Variants in GREM2 observed in about 807,000 individuals in gnomAD.
GREM2 encodes the protein gremlin-2.
In GREM2, 11 loss-of-function variants were observed where a neutral mutation model predicts 14.2. That is an observed-to-expected ratio of 0.78 (90% confidence interval 0.49 to 1.28). GREM2 has a LOEUF of 1.28. GREM2 is among the 50% of genes most tolerant of loss of function. The probability of loss-of-function intolerance (pLI) is 0.00; values close to 1 mark genes in which losing one functional copy is unlikely to be tolerated. For missense variants in GREM2, 210 were observed against 218.5 expected, an observed-to-expected ratio of 0.96 and a Z score of 0.24; for synonymous variants, 98 against 97.6, an observed-to-expected ratio of 1.00 and a Z score of -0.02.
chr1:240,501,942 A>G (rs1476118878), intron 1 of GREM2, among the ~76,000 whole-genome samples: 1 of 152,154 alleles, frequency 6.6e-6, no homozygotes, highest in African/African-American at 2.4e-5. Flanking sequence ...AGCCAGTGAC[A>G]TTGTTCTCTG....
chr1:240,515,073 C>T (rs879645984), intron 1 of GREM2, among the ~76,000 whole-genome samples: 16 of 152,096 alleles, frequency 1.1e-4, no homozygotes, highest in Non-Finnish European at 2.2e-4. Context: ...GATGTAGAAA[C>T]CATACCTATA....
intron 1 of GREM2, among the ~76,000 whole-genome samples, chr1:240,544,464 T>C (rs1280220523): frequency 6.6e-6 from 1 of 152,136 alleles, no homozygotes; most frequent in Non-Finnish European, 1.5e-5. Flanking sequence ...GGCCATTTTA[T>C]ATGAGAGACT....
chr1:240,513,137 T>C (rs1677870237), intron 1 of GREM2, among the ~76,000 whole-genome samples: 1 of 152,062 alleles, frequency 6.6e-6, no homozygotes. Flanking sequence ...GGGTAGGACA[T>C]AATTAGGTTG....
intron 1 of GREM2, among the ~76,000 whole-genome samples, chr1:240,563,585 G>A (rs186184148): frequency 5.9e-5 from 9 of 152,256 alleles, no homozygotes; most frequent in African/African-American, 1.9e-4. Context: ...TTTAGTCAAC[G>A]GCACCCATCC....
chr1:240,582,445 C>A (rs558597681), intron 1 of GREM2, among the ~76,000 whole-genome samples: 89 of 150,334 alleles, frequency 5.9e-4, no homozygotes, highest in Non-Finnish European at 8.2e-4. Context: ...CACACACACA[C>A]AAAAAAAGAG....
At chr1:240,532,065 C>T (rs1028167715) in intron 1 of GREM2, among the ~76,000 whole-genome samples, 2 of 151,668 alleles carry the variant, frequency 1.3e-5, no homozygotes, top group Non-Finnish European at 2.9e-5. Flanking sequence ...GGATTTGGAA[C>T]TAAATTATTA....
At chr1:240,606,366 G>A (rs746710054) in intron 1 of GREM2, among the ~76,000 whole-genome samples, 27 of 152,144 alleles carry the variant, frequency 1.8e-4, no homozygotes, top group Admixed American at 4.6e-4. Flanking sequence ...ATGATGTAAA[G>A]AAAAAATTTG....
chr1:240,499,046 G>A (rs945666578), intron 1 of GREM2, among the ~76,000 whole-genome samples: 1 of 152,210 alleles, frequency 6.6e-6, no homozygotes, highest in Non-Finnish European at 1.5e-5. Flanking sequence ...ACAGGCCAAA[G>A]CAAGCTAGTA....
At chr1:240,509,110 T>C (rs11807703) in intron 1 of GREM2, among the ~76,000 whole-genome samples, 18,453 of 152,210 alleles carry the variant, frequency 0.12, 1,208 homozygotes, top group African/African-American at 0.15. Flanking sequence ...CTTTAATGAT[T>C]TGTGACAGGA....
chr1:240,546,376 G>A (rs1321430736), intron 1 of GREM2, among the ~76,000 whole-genome samples: 3 of 151,288 alleles, frequency 2.0e-5, no homozygotes, highest in Non-Finnish European at 2.9e-5. Flanking sequence ...AAATTTTGTT[G>A]CTTATTCATT....
intron 1 of GREM2, among the ~76,000 whole-genome samples, chr1:240,548,395 A>G (rs16840347): frequency 0.057 from 8,707 of 152,226 alleles, 642 homozygotes; most frequent in African/African-American, 0.17. Flanking sequence ...GTCTTTTCCA[A>G]TTCTTCAGAT....
intron 1 of GREM2, among the ~76,000 whole-genome samples, chr1:240,502,438 T>G (rs919353799): frequency 1.3e-5 from 2 of 152,182 alleles, no homozygotes; most frequent in African/African-American, 4.8e-5. Context: ...GCTCTCCTCT[T>G]AAAGGTTGGT....
chr1:240,602,475 A>G (rs757844153), intron 1 of GREM2, among the ~76,000 whole-genome samples: 2 of 152,222 alleles, frequency 1.3e-5, no homozygotes, highest in African/African-American at 2.4e-5. Flanking sequence ...ATTCTCTGTA[A>G]CATATAAGAT....
chr1:240,572,581 TG>T (rs2103365270), intron 1 of GREM2, among the ~76,000 whole-genome samples: 1 of 152,298 alleles, frequency 6.6e-6, no homozygotes, highest in African/African-American at 2.4e-5. Context: ...CTGCTGGACT[TG>T]AAGCTAATGA....
At chr1:240,562,274 C>A (rs1440613676) in intron 1 of GREM2, among the ~76,000 whole-genome samples, 3 of 152,178 alleles carry the variant, frequency 2.0e-5, no homozygotes, top group Non-Finnish European at 2.9e-5. Flanking sequence ...GGCTCCTTTC[C>A]TTTTGTGAAC....
intron 1 of GREM2, among the ~76,000 whole-genome samples, chr1:240,497,904 A>G (rs550626867): frequency 6.6e-6 from 1 of 152,318 alleles, no homozygotes; most frequent in Admixed American, 6.5e-5. Flanking sequence ...CCATTTTAAT[A>G]ATTTCCGAAA....
chr1:240,519,035 A>C lies in GREM2; in HGVS notation c.-1-25559T>G, dbSNP rs75046501. Among the ~76,000 whole-genome samples, 62 of 152,326 alleles carry C rather than the reference A, an allele frequency of 4.1e-4. 2 individuals are homozygous for C. In the East Asian group the frequency reaches 0.012, roughly 29 times the overall value. On this transcript the variant is annotated intron_variant, in intron 1 of 1. Transcript: ENST00000318160. ...TTACACACACACATACATACATATTAGGCTAAAAGTTTATAACTATGTGAA... is the reference window on the plus strand; with the variant it reads ...TTACACACACACATACATACATATTCGGCTAAAAGTTTATAACTATGTGAA...
chr1:240,610,528 AG>A (rs536353948), intron 1 of GREM2, among the ~76,000 whole-genome samples: 280 of 152,362 alleles, frequency 1.8e-3, no homozygotes, highest in African/African-American at 5.5e-3. Flanking sequence ...AAACAAAAAA[AG>A]GTCGATATAA....
chr1:240,577,401 C>A (rs1679393169), intron 1 of GREM2, among the ~76,000 whole-genome samples: 1 of 152,176 alleles, frequency 6.6e-6, no homozygotes, highest in African/African-American at 2.4e-5. Context: ...ATAAACATAA[C>A]TTTCTCCAAC....
Sources: allele counts gnomAD v4.1 joint callset (sites outside exome capture counted in the v4.1 genomes callset), GRCh38; gene constraint gnomAD v4.1.1; transcripts MANE v1.5; gene names NCBI Gene and HGNC (gene_info 2026-07-23, HGNC 2026-07-21).